The following NSMCE2 variants were observed in gnomAD, a reference collection of about 807,000 sequenced individuals.
NSMCE2 encodes E3 SUMO-protein ligase NSE2.
A neutral mutation model predicts 23.8 loss-of-function variants in NSMCE2; 24 were observed. The observed-to-expected ratio is 1.01, with a 90% CI of 0.73 to 1.42. The LOEUF (loss-of-function observed/expected upper bound fraction) is 1.42, where lower values mean the gene tolerates loss of function less well. Ranked by LOEUF, NSMCE2 falls within the 40% of genes most tolerant of loss-of-function variation. The pLI is 0.00. For synonymous variants in NSMCE2, 92 were observed against 94.1 expected (o/e 0.98, Z 0.13); for missense variants, 284 against 296.5 (o/e 0.96, Z 0.31).
At chr8:125,125,481 G>C (rs1166060246) in intron 3 of NSMCE2, among the ~76,000 whole-genome samples, 1 of 152,216 alleles carries the variant, frequency 6.6e-6, no homozygotes, top group Non-Finnish European at 1.5e-5. Context: ...GAATAAGCAA[G>C]TGGAATAAAG....
chr8:125,150,207 C>G (rs1483105058), intron 3 of NSMCE2, among the ~76,000 whole-genome samples: 1 of 152,080 alleles, frequency 6.6e-6, no homozygotes, highest in Non-Finnish European at 1.5e-5. Flanking sequence ...GGAGAGATTA[C>G]TTTTGGTTCA....
intron 5 of NSMCE2, among the ~76,000 whole-genome samples, chr8:125,287,059 T>G (rs1349757492): frequency 2.0e-5 from 3 of 152,038 alleles, no homozygotes; most frequent in African/African-American, 7.2e-5. Context: ...TGGCCAGGTG[T>G]GGTGGCTCAC....
chr8:125,359,331 T>C (rs1813426873), intron 7 of NSMCE2, among the ~76,000 whole-genome samples: 2 of 52,516 alleles, frequency 3.8e-5, no homozygotes, highest in Non-Finnish European at 8.4e-5. Flanking sequence ...GCTCTTTCTC[T>C]TTTTTTTTTT....
At chr8:125,309,588 G>A (rs183536979) in intron 5 of NSMCE2, among the ~76,000 whole-genome samples, 1 of 152,226 alleles carries the variant, frequency 6.6e-6, no homozygotes. Flanking sequence ...AGCCAGGCGT[G>A]GTGGCACATG....
At chr8:125,213,007 T>C (rs1280482467) in intron 5 of NSMCE2, among the ~76,000 whole-genome samples, 7 of 152,208 alleles carry the variant, frequency 4.6e-5, no homozygotes, top group Non-Finnish European at 1.0e-4. Flanking sequence ...TATGTAATAA[T>C]ATTTTCTGAT....
intron 5 of NSMCE2, among the ~76,000 whole-genome samples, chr8:125,216,583 G>A (rs1480777800): frequency 3.3e-5 from 5 of 150,956 alleles, no homozygotes; most frequent in African/African-American, 9.8e-5. Context: ...GCGGTGATCC[G>A]AGATTGCACC....
chr8:125,134,784 G>C (rs1819978044), intron 3 of NSMCE2, among the ~76,000 whole-genome samples: 2 of 144,786 alleles, frequency 1.4e-5, no homozygotes, highest in South Asian at 4.4e-4. Context: ...CTGGAGTACA[G>C]TGGCATGATC....
intron 4 of NSMCE2, chr8:125,156,085 G>A (rs1419246258): frequency 7.6e-6 from 3 of 392,552 alleles, no homozygotes; most frequent in African/African-American, 6.5e-5. Flanking sequence ...TTCAAGATCA[G>A]CCTGGACAAC....
chr8:125,356,460 C>T (rs1177914860), intron 5 of NSMCE2, among the ~76,000 whole-genome samples: 1 of 150,648 alleles, frequency 6.6e-6, no homozygotes, highest in Non-Finnish European at 1.5e-5. Flanking sequence ...TCCCAAATAG[C>T]TGGGACTACA....
At chr8:125,331,599 T>A (rs1829880075) in intron 5 of NSMCE2, among the ~76,000 whole-genome samples, 1 of 152,064 alleles carries the variant, frequency 6.6e-6, no homozygotes, top group Non-Finnish European at 1.5e-5. Context: ...TTTTTTTTTT[T>A]AACAAAATAA....
chr8:125,292,685 C>A (rs1480469047), intron 5 of NSMCE2, among the ~76,000 whole-genome samples: 1 of 152,178 alleles, frequency 6.6e-6, no homozygotes, highest in Non-Finnish European at 1.5e-5. Flanking sequence ...AGCTTCTTAC[C>A]ACCTGTAGTG....
chr8:125,112,435 T>C (rs1216077634), intron 3 of NSMCE2, among the ~76,000 whole-genome samples: 1 of 152,182 alleles, frequency 6.6e-6, no homozygotes, highest in Non-Finnish European at 1.5e-5. Flanking sequence ...ATATCTGCCT[T>C]CTCATATTCA....
At chr8:125,222,941 A>G (rs1307019714) in intron 5 of NSMCE2, among the ~76,000 whole-genome samples, 1 of 152,088 alleles carries the variant, frequency 6.6e-6, no homozygotes, top group Non-Finnish European at 1.5e-5. Flanking sequence ...GTGTGCCTGT[A>G]TTCCCAGCTA....
chr8:125,116,840 C>T (rs79538239), intron 3 of NSMCE2, among the ~76,000 whole-genome samples: 1 of 151,214 alleles, frequency 6.6e-6, no homozygotes, highest in African/African-American at 2.4e-5. Flanking sequence ...AATGGCCATA[C>T]TGAAGATATA....
intron 3 of NSMCE2, chr8:125,130,182 A>T (rs1819696034): frequency 2.2e-6 from 1 of 453,440 alleles, no homozygotes; most frequent in South Asian, 1.6e-5. Context: ...AGTTTGTCTG[A>T]TGTCTTATTA....
Position 125,200,368 on chromosome 8 carries a change from A to G in NSMCE2, c.418+18112A>G, listed in dbSNP as rs201351269. ...TCAGGAGCTCTTGTAAGGCAGGCCT[A>G]GTGGTGACAAAATCTCTCAGCATTT... is the stretch of plus-strand genomic sequence containing the variant. On this transcript the variant is annotated intron_variant, in intron 5 of 7. Transcript: ENST00000287437. Among the ~76,000 whole-genome samples the G allele has an allele frequency of 3.1e-3, 467 of 151,424 alleles. 3 individuals carry two copies. The highest frequency in any genetic ancestry group is 0.011 in the African/African-American group (449 of 40,920).
intron 5 of NSMCE2, among the ~76,000 whole-genome samples, chr8:125,315,973 A>G (rs1829164002): frequency 6.6e-6 from 1 of 151,914 alleles, no homozygotes; most frequent in Non-Finnish European, 1.5e-5. Context: ...CAGCTAATGT[A>G]TTTTTTGTTT....
intron 4 of NSMCE2, among the ~76,000 whole-genome samples, chr8:125,157,289 G>A (rs1481370244): frequency 6.6e-6 from 1 of 152,196 alleles, no homozygotes; most frequent in Admixed American, 6.5e-5. Flanking sequence ...AGTACTAGGA[G>A]ACTCACCTCT....
chr8:125,122,300 A>G (rs949646270), intron 3 of NSMCE2, among the ~76,000 whole-genome samples: 1 of 152,080 alleles, frequency 6.6e-6, no homozygotes, highest in Admixed American at 6.6e-5. Flanking sequence ...GATTACCGTG[A>G]ATTGACTTCT....
Sources: allele counts gnomAD v4.1 joint callset (sites outside exome capture counted in the v4.1 genomes callset), GRCh38; gene constraint gnomAD v4.1.1; transcripts MANE v1.5; gene names NCBI Gene and HGNC (gene_info 2026-07-23, HGNC 2026-07-21).